The following RBM39 variants were observed in gnomAD, a reference collection of about 807,000 sequenced individuals.
RBM39 encodes RNA-binding protein 39.
RBM39 carries 12 observed loss-of-function variants against 79.6 expected under a neutral mutation model. The ratio of observed to expected loss-of-function variants is 0.15; its 90% CI spans 0.10 to 0.24. The LOEUF (loss-of-function observed/expected upper bound fraction) is 0.24. Among genes scored for constraint, RBM39 ranks in the 10% least tolerant of loss-of-function variants. The probability of loss-of-function intolerance (pLI) is 1.00; values close to 1 mark genes in which losing one functional copy is unlikely to be tolerated. For synonymous variants in RBM39, 185 were observed against 208.4 expected, an observed-to-expected ratio of 0.89 and a Z score of 0.97; for missense variants, 243 against 653.4, an observed-to-expected ratio of 0.37 and a Z score of 6.85.
chr20:35,735,561 G>T (rs912585490), intron 3 of RBM39, among the ~76,000 whole-genome samples: 1 of 152,152 alleles, frequency 6.6e-6, no homozygotes, highest in African/African-American at 2.4e-5. Context: ...AATGCAACAC[G>T]GCACTTTCCT....
intron 4 of RBM39, among the ~76,000 whole-genome samples, chr20:35,731,054 G>A (rs1372048006): frequency 6.6e-6 from 1 of 152,028 alleles, no homozygotes; most frequent in African/African-American, 2.4e-5. Flanking sequence ...CTCCTTAAAA[G>A]GTTAGAAAAC....
At chr20:35,729,621 G>T in intron 4 of RBM39, 94 bp from the exon 5 acceptor site, 1 of 1,128,842 alleles carries the variant, frequency 8.9e-7, no homozygotes, top group South Asian at 1.4e-5. Context: ...CATTGTTTAG[G>T]CTACTGCTTT....
At chr20:35,735,748 C>T (rs2039837003) in intron 3 of RBM39, among the ~76,000 whole-genome samples, 1 of 152,110 alleles carries the variant, frequency 6.6e-6, no homozygotes, top group Non-Finnish European at 1.5e-5. Context: ...TATTTATCAC[C>T]TATAATTGAC....
chr20:35,733,457 G>T (rs1202656664), intron 3 of RBM39, among the ~76,000 whole-genome samples: 1 of 151,914 alleles, frequency 6.6e-6, no homozygotes, highest in African/African-American at 2.4e-5. Context: ...AAAAATGCAA[G>T]AAGTAGTGGG....
At chr20:35,724,999 T>A in intron 7 of RBM39, 39 bp downstream of exon 7, 3 of 1,380,824 alleles carry the variant, frequency 2.2e-6, no homozygotes, top group Non-Finnish European at 3.0e-6. Flanking sequence ...TCTCTTGCAA[T>A]TTCTACCTAC....
intron 9 of RBM39, among the ~76,000 whole-genome samples, chr20:35,721,113 G>C (rs1191753806): frequency 2.6e-5 from 4 of 152,034 alleles, no homozygotes; most frequent in Non-Finnish European, 5.9e-5. Context: ...GCTAATTTTT[G>C]TATTTTTAAC....
rs961762881 is a variant in RBM39 at position 35,702,306 on chromosome 20, G to A, written c.*2175C>T. 3.3e-5 allele frequency: 5 copies of A among 152,238 alleles called. No individual in the cohort carries two copies. Among genetic ancestry groups the A allele is most frequent in the Non-Finnish European group, 7.3e-5 (5 of 68,062 alleles). 9.4% of individuals were successfully genotyped at this position (152,238 alleles called of 1,614,324 possible). Reference sequence around the variant, plus strand: ...CAGATTTTCGAACCAGTGGGATGCTGACTCAGGAACTGATTGGACATAAAC... The same window carrying A: ...CAGATTTTCGAACCAGTGGGATGCTAACTCAGGAACTGATTGGACATAAAC... On this transcript the variant is annotated 3_prime_UTR_variant, in exon 17 of 17. Coordinates refer to ENST00000253363, the MANE Select transcript of RBM39 (RefSeq NM_184234.3).
At chr20:35,705,118 A>G (rs2035560153) in intron 15 of RBM39, 107 bp downstream of exon 15, 1 of 725,984 alleles carries the variant, frequency 1.4e-6, no homozygotes, top group Non-Finnish European at 2.3e-6. Flanking sequence ...ACACACACAC[A>G]AAAACTATAA....
chr20:35,726,836 T>C (rs562304733), intron 6 of RBM39, among the ~76,000 whole-genome samples: 2 of 152,234 alleles, frequency 1.3e-5, no homozygotes, highest in East Asian at 1.9e-4. Context: ...AAAGCTTTTT[T>C]TTCTTTTTGG....
chr20:35,741,167 G>A (rs925531166), intron 1 of RBM39, among the ~76,000 whole-genome samples: 1 of 148,780 alleles, frequency 6.7e-6, no homozygotes, highest in Admixed American at 6.8e-5. Flanking sequence ...CCGAATAGCT[G>A]GGATCACAGG....
intron 14 of RBM39, 143 bp from the exon 15 acceptor site, chr20:35,705,473 A>G: frequency 1.8e-6 from 1 of 568,158 alleles, no homozygotes; most frequent in East Asian, 3.2e-5. Context: ...TCTCTGCCCC[A>G]AAGAACACTG....
chr20:35,714,031 C>T (rs778918899), intron 11 of RBM39, among the ~76,000 whole-genome samples, 154 bp downstream of exon 11: 15 of 152,020 alleles, frequency 9.9e-5, no homozygotes, highest in Non-Finnish European at 1.8e-4. Flanking sequence ...TAATACAAGG[C>T]ACATCATCTA....
At chr20:35,723,543 A>G (rs1487871527) in intron 8 of RBM39, among the ~76,000 whole-genome samples, 1 of 152,122 alleles carries the variant, frequency 6.6e-6, no homozygotes, top group Non-Finnish European at 1.5e-5. Flanking sequence ...GGTTTAAGCA[A>G]TTCTCCTGCC....
Position 35,712,934 on chromosome 20 carries a change from G to GT in RBM39, c.1174+84dup, listed in dbSNP as rs2036623866. ...AAGTACTTGATGAATTGAATTCTCA[G>GT]TAAGTCCTTTTAAATGTAAAAATTT... On this transcript the variant is annotated intron_variant, in intron 12 of 16. Transcript: ENST00000253363. The GT allele has an allele frequency of 5.7e-6, 6 of 1,052,492 alleles. No homozygotes were observed. The South Asian group carries it at 6.1e-5, about 11-fold the overall frequency. 65.2% of individuals were successfully genotyped at this position (1,052,492 alleles called of 1,614,324 possible).
intron 10 of RBM39, among the ~76,000 whole-genome samples, chr20:35,715,537 G>C (rs2037002779): frequency 6.6e-6 from 1 of 152,042 alleles, no homozygotes; most frequent in South Asian, 2.1e-4. Context: ...TTAAAAAAAG[G>C]ATCTTTAGTA....
At chr20:35,715,436 A>G (rs1314043251) in intron 10 of RBM39, among the ~76,000 whole-genome samples, 3 of 152,150 alleles carry the variant, frequency 2.0e-5, no homozygotes, top group Admixed American at 6.5e-5. Context: ...TCAGCCTCCC[A>G]AAGTGCTGGC....
intron 13 of RBM39, among the ~76,000 whole-genome samples, chr20:35,708,507 C>T (rs1434837790): frequency 6.6e-6 from 1 of 152,086 alleles, no homozygotes; most frequent in African/African-American, 2.4e-5. Flanking sequence ...CAAAACAGCA[C>T]TGATTAGAAG....
intron 9 of RBM39, among the ~76,000 whole-genome samples, chr20:35,717,584 A>C (rs899544242): frequency 6.6e-6 from 1 of 152,256 alleles, no homozygotes; most frequent in Non-Finnish European, 1.5e-5. Context: ...CAATAACTGC[A>C]CAATTCTGTG....
chr20:35,737,525 G>A (rs1228518135), intron 3 of RBM39, among the ~76,000 whole-genome samples: 3 of 148,296 alleles, frequency 2.0e-5, no homozygotes, highest in South Asian at 2.1e-4. Context: ...GTGTCATGGC[G>A]CTCCAGCCTG....
Sources: gnomAD v4.1 joint callset for allele counts (sites outside exome capture counted in the v4.1 genomes callset) on GRCh38, gnomAD v4.1.1 for gene constraint, MANE v1.5 for transcripts, NCBI Gene and HGNC (gene_info 2026-07-23, HGNC 2026-07-21) for gene names.